The following GSTZ1 variants were observed in gnomAD, a reference collection of about 807,000 sequenced individuals.
GSTZ1 encodes the protein maleylacetoacetate isomerase.
In GSTZ1, 34 loss-of-function variants were observed where a neutral mutation model predicts 35.9. The ratio of observed to expected loss-of-function variants is 0.95; its 90% CI spans 0.72 to 1.26. GSTZ1 has a LOEUF of 1.26. Among genes scored for constraint, GSTZ1 ranks in the 50% most tolerant of loss-of-function variants. GSTZ1 has a pLI of 0.00. For missense variants in GSTZ1, 263 were observed against 271.7 expected, an observed-to-expected ratio of 0.97 and a Z score of 0.23; for synonymous variants, 93 against 101.2, an observed-to-expected ratio of 0.92 and a Z score of 0.49.
chr14:77,330,467 G>C (rs1892567209), intron 8 of GSTZ1, 108 bp downstream of exon 8: 1 of 916,076 alleles, frequency 1.1e-6, no homozygotes. Flanking sequence ...ACCAGCCAAG[G>C]AGCCCACCAT....
At position 77,321,063 on chromosome 14, in the gene GSTZ1, C is replaced by T; in HGVS notation, c.-106C>T. On this transcript the variant is annotated 5_prime_UTR_variant, in exon 1 of 9. In the 5' UTR this introduces an upstream ATG that the reference lacks. Transcript: ENST00000216465. ...AGTCCAGCCCCTCGCTTTACCCGGA[C>T]GAAAGACACGGGCCTGATTCGTCGA... is the stretch of plus-strand genomic sequence containing the variant. The T allele has an allele frequency of 1.6e-6, 2 of 1,220,222 alleles. No homozygotes were observed. Among genetic ancestry groups the T allele is most frequent in the Non-Finnish European group, 1.1e-6 (1 of 899,230 alleles). The allele number at this position is 1,220,222 out of a possible 1,614,324, so 75.6% of individuals were successfully genotyped here. A position where few individuals can be genotyped will look rare whatever the true frequency, so the allele number is the denominator to read the frequency against.
chr14:77,331,413 C>T lies in GSTZ1; in HGVS notation c.*218C>T, dbSNP rs2139587047. ...GCGGGGAGCAGGGTGGGCAGGAATA[C>T]TGTTATCTATGTGACGGGGCAGTCG... On this transcript the variant is annotated 3_prime_UTR_variant, in exon 9 of 9. Transcript: ENST00000216465. The T allele has an allele frequency of 1.9e-6, 1 of 532,756 alleles. No individual in the cohort carries two copies. Among genetic ancestry groups the T allele is most frequent in the South Asian group, 3.0e-5 (1 of 33,572 alleles). 33.0% of individuals were successfully genotyped at this position (532,756 alleles called of 1,614,324 possible).
Position 77,329,187 on chromosome 14 carries a change from C to T in GSTZ1, c.407C>T (p.Thr136Ile), listed in dbSNP as rs1214588726. ...MQLTWAQNAITCGFNALEQIL... is the reference protein window; with the variant it reads ...MQLTWAQNAIICGFNALEQIL... ...CTGACCTGGGCCCAGAACGCCATCA[C>T]TTGTGGCTTTAACGGTGAGTCCTCA... The change falls in exon 6 of 9, where the codon ACT becomes ATT. Residue 136 changes from threonine (T) to isoleucine (I), a missense_variant. Transcript: ENST00000216465. 1.2e-6 allele frequency: 2 copies of T among 1,609,144 alleles called. No homozygotes were observed. Among genetic ancestry groups the T allele is most frequent in the African/African-American group, 1.3e-5 (1 of 74,992 alleles).
chr14:77,322,554 C>T, intron 1 of GSTZ1: 1 of 977,858 alleles, frequency 1.0e-6, no homozygotes, highest in Non-Finnish European at 1.2e-6. Context: ...TAGTGGTCAC[C>T]AGCAGTCCCT....
chr14:77,327,977 GAA>G lies in GSTZ1; in HGVS notation c.283_284del (p.Lys95GlufsTer9), dbSNP rs1185218344. 2.5e-6 allele frequency: 4 copies of G among 1,613,984 alleles called. No individual in the cohort carries two copies. The highest frequency in any genetic ancestry group is 3.4e-6 in the Non-Finnish European group (4 of 1,179,974). On this transcript the variant is annotated frameshift_variant, in exon 5 of 9. Transcript: ENST00000216465. LOFTEE classifies it high-confidence loss of function. ...CGCGACTTCTGCCTCAGGACCCAAA[GAA>G]GAGGGCCAGCGTGCGTATGATTTCT... ...TPRLLPQDPK[K>X]RASVRMISDL...
chr14:77,325,005 T>C (rs970610730), intron 2 of GSTZ1, 84 bp downstream of exon 2: 1 of 1,148,246 alleles, frequency 8.7e-7, no homozygotes, highest in African/African-American at 1.5e-5. Flanking sequence ...TGGCCTGGGA[T>C]GGAAGGGTTG....
rs766906630 is a variant in GSTZ1, at chr14:77,326,951, G to C, written c.135+46G>C. ...CCACAATGTGGGAATTGGAGGCCTT[G>C]AACAGGCACCAGGCAGGGGAAAAAG... On this transcript the variant is annotated intron_variant, in intron 3 of 8. Transcript: ENST00000216465. 13 of 1,322,038 alleles carry C rather than the reference G, an allele frequency of 9.8e-6. No individual in the cohort carries two copies. In the South Asian group the frequency reaches 1.6e-4, roughly 16 times the overall value. 81.9% of individuals were successfully genotyped at this position (1,322,038 alleles called of 1,614,324 possible).
In GSTZ1 at chr14:77,331,080, A is replaced by G; in HGVS notation, c.536A>G (p.Asp179Gly). The change falls in exon 9 of 9, where the codon GAT (aspartate) becomes GGT (glycine). Residue 179 changes from aspartate (D) to glycine (G), a missense_variant. Asp to Gly is a moderately conservative substitution (Grantham distance 94). Transcript: ENST00000216465. ...QVANAERFKV[D>G]LTPYPTISSI... is the part of the protein sequence containing the mutation. ...TTTCTCTACTACAGATTCAAGGTGG[A>G]TCTCACCCCCTACCCTACCATCAGC... 5.6e-6 allele frequency: 9 copies of G among 1,613,844 alleles called. No homozygotes were observed. In the South Asian group the frequency reaches 8.8e-5, roughly 16 times the overall value.
chr14:77,321,744 G>T (rs1028843391), intron 1 of GSTZ1, among the ~76,000 whole-genome samples: 9 of 152,188 alleles, frequency 5.9e-5, no homozygotes, highest in African/African-American at 1.4e-4. Flanking sequence ...TTAGCCAGGC[G>T]TGGTAGCGGG....
intron 2 of GSTZ1, 50 bp downstream of exon 2, chr14:77,324,971 G>A: frequency 6.7e-7 from 1 of 1,503,366 alleles, no homozygotes; most frequent in African/African-American, 1.4e-5. Flanking sequence ...GGTGGACTGG[G>A]GCGGATAAGC....
intron 2 of GSTZ1, chr14:77,325,207 T>C (rs891793828): frequency 2.5e-6 from 1 of 407,504 alleles, no homozygotes; most frequent in Non-Finnish European, 4.6e-6. Context: ...TAAAGCAGGG[T>C]CACAAAATCC....
chr14:77,324,918 A>C lies in GSTZ1; in HGVS notation c.64A>C (p.Ile22Leu). 2 of 1,613,096 alleles carry C rather than the reference A, an allele frequency of 1.2e-6. No homozygotes were observed. The highest frequency in any genetic ancestry group is 1.7e-6 in the Non-Finnish European group (2 of 1,179,072). ...AAGCTCCTGCTCATGGAGAGTTCGAATTGGTAAGAGATGTGCCTCCTCCAG... is the reference window on the plus strand; with the variant it reads ...AAGCTCCTGCTCATGGAGAGTTCGACTTGGTAAGAGATGTGCCTCCTCCAG... ...FRSSCSWRVR[I>L]ALALKGIDYE... The change falls in exon 2 of 9, where the codon ATT becomes CTT. Residue 22 changes from isoleucine to leucine, a missense_variant. Coordinates refer to ENST00000216465, the MANE Select transcript of GSTZ1 (RefSeq NM_145870.3).
chr14:77,327,072 G>A, intron 3 of GSTZ1, 167 bp downstream of exon 3: 1 of 628,050 alleles, frequency 1.6e-6, no homozygotes, highest in Non-Finnish European at 2.9e-6. Flanking sequence ...GGCAAGGTGT[G>A]CAGTAGCAGG....
At chr14:77,327,683 G>T in intron 4 of GSTZ1, 131 bp downstream of exon 4, 3 of 763,328 alleles carry the variant, frequency 3.9e-6, no homozygotes, top group East Asian at 2.7e-5. Context: ...AGACTCGTGG[G>T]GAGGGTGCGA....
intron 6 of GSTZ1, 175 bp downstream of exon 6, chr14:77,329,376 C>T (rs958190514): frequency 3.2e-6 from 2 of 622,606 alleles, no homozygotes; most frequent in African/African-American, 1.8e-5. Flanking sequence ...ACCTTAGCTC[C>T]AGCACTTCTG....
chr14:77,327,085 G>T, intron 3 of GSTZ1, 180 bp downstream of exon 3: 1 of 616,552 alleles, frequency 1.6e-6, no homozygotes, highest in Non-Finnish European at 2.9e-6. Context: ...GTAGCAGGAG[G>T]CCTGGGAAGG....
chr14:77,331,293 A>T lies in GSTZ1; in HGVS notation c.*98A>T, dbSNP rs1177950073. 3 of 1,356,876 alleles carry T rather than the reference A, an allele frequency of 2.2e-6. No homozygotes were observed. The highest frequency in any genetic ancestry group is 3.0e-6 in the Non-Finnish European group (3 of 1,006,198). 84.1% of individuals were successfully genotyped at this position (1,356,876 alleles called of 1,614,324 possible). On this transcript the variant is annotated 3_prime_UTR_variant, in exon 9 of 9. Coordinates refer to ENST00000216465, the MANE Select transcript of GSTZ1 (RefSeq NM_145870.3). ...AGAGTCTTAATTGAGGAGATGGGAG[A>T]CTCGAACTCTAGCCCTGGATCTGCC...
chr14:77,322,413 C>T (rs1328260330), intron 1 of GSTZ1: 3 of 169,662 alleles, frequency 1.8e-5, no homozygotes, highest in African/African-American at 4.8e-5. Context: ...TGGGTCGTGA[C>T]GGAGGGCAGC....
At position 77,330,999 on chromosome 14, in the gene GSTZ1, C is replaced by T. The variant is rs1011706575; in HGVS notation, c.525-70C>T. On this transcript the variant is annotated intron_variant, in intron 8 of 8. Transcript: ENST00000216465. ...TCATCCAGCCCTGCCTCTCTGCTCC[C>T]CCTGCTGCATCAGGGCAGTCTCCCT... The T allele has an allele frequency of 5.4e-6, 8 of 1,490,034 alleles. No homozygotes were observed. In the Admixed American group the frequency reaches 1.1e-4, roughly 20 times the overall value. The allele number at this position is 1,490,034 out of a possible 1,614,324, so 92.3% of individuals were successfully genotyped here. A position where few individuals can be genotyped will look rare whatever the true frequency, so the allele number is the denominator to read the frequency against.
Sources: allele counts gnomAD v4.1 joint callset (sites outside exome capture counted in the v4.1 genomes callset), GRCh38; gene constraint gnomAD v4.1.1; transcripts MANE v1.5; gene names NCBI Gene and HGNC (gene_info 2026-07-23, HGNC 2026-07-21).